Variants in ATP10B observed in about 807,000 individuals in gnomAD.
ATP10B encodes the protein ATPase phospholipid transporting 10B (putative).
Under a neutral mutation model 141.2 loss-of-function variants are expected in ATP10B, and 122 were observed. That is an observed-to-expected ratio of 0.86 (90% confidence interval 0.75 to 1.00). The LOEUF is 1.00. ATP10B is among the 50% of genes least tolerant of loss of function. ATP10B has a pLI of 0.00. For synonymous variants in ATP10B, 685 were observed against 692.0 expected, an observed-to-expected ratio of 0.99 and a Z score of 0.16; for missense variants, 1,876 against 1,825.3, an observed-to-expected ratio of 1.03 and a Z score of -0.51.
chr5:160,616,904 A>G (rs1337216151), intron 16 of ATP10B, among the ~76,000 whole-genome samples: 2 of 152,210 alleles, frequency 1.3e-5, no homozygotes, highest in East Asian at 1.9e-4. Context: ...GGTGCTGCAC[A>G]TGTGGTTATT....
intron 9 of ATP10B, among the ~76,000 whole-genome samples, chr5:160,641,141 A>G (rs1373866559): frequency 6.6e-6 from 1 of 152,194 alleles, no homozygotes; most frequent in African/African-American, 2.4e-5. Context: ...CCAAGGTGGA[A>G]AAGAGGTGGT....
chr5:160,827,464 G>A (rs925945090), intron 1 of ATP10B, among the ~76,000 whole-genome samples: 2 of 152,190 alleles, frequency 1.3e-5, no homozygotes, highest in Admixed American at 6.5e-5. Context: ...CTTTCAAAAG[G>A]TGTCTGTTCA....
At chr5:160,838,212 A>C (rs956109926) in intron 1 of ATP10B, among the ~76,000 whole-genome samples, 8 of 152,196 alleles carry the variant, frequency 5.3e-5, no homozygotes. Context: ...GGTTCCTCAC[A>C]TCATACACAT....
At chr5:160,851,245 A>C (rs1406519568) in intron 1 of ATP10B, among the ~76,000 whole-genome samples, 1 of 152,176 alleles carries the variant, frequency 6.6e-6, no homozygotes, top group Non-Finnish European at 1.5e-5. Flanking sequence ...CTAGCAGCTC[A>C]GTATAATTTT....
intron 1 of ATP10B, among the ~76,000 whole-genome samples, chr5:160,786,489 TA>T (rs1771154943): frequency 6.6e-6 from 1 of 152,158 alleles, no homozygotes; most frequent in African/African-American, 2.4e-5. Context: ...TTTCACTTCA[TA>T]GAGTATGAAA....
At chr5:160,815,883 G>A (rs555041421) in intron 1 of ATP10B, among the ~76,000 whole-genome samples, 13 of 152,216 alleles carry the variant, frequency 8.5e-5, no homozygotes, top group South Asian at 2.1e-4. Flanking sequence ...CAACTACATC[G>A]AAACTGAACA....
chr5:160,824,693 T>G (rs982332143), intron 1 of ATP10B, among the ~76,000 whole-genome samples: 1 of 150,540 alleles, frequency 6.6e-6, no homozygotes, highest in Non-Finnish European at 1.5e-5. Context: ...TGGTTAAGTG[T>G]TTGTATATCT....
chr5:160,864,567 T>C, the ATP10B span, among the ~76,000 whole-genome samples: 4 of 151,924 alleles, frequency 2.6e-5, no homozygotes, highest in African/African-American at 4.8e-5. Flanking sequence ...CTAGAAGTTC[T>C]AGACAGAGCA....
At chr5:160,790,700 G>C (rs1301744131) in intron 1 of ATP10B, among the ~76,000 whole-genome samples, 1 of 152,156 alleles carries the variant, frequency 6.6e-6, no homozygotes, top group Non-Finnish European at 1.5e-5. Context: ...GTTGCCAAGG[G>C]AACCTTGTAT....
At chr5:160,794,687 C>A (rs1349626428) in intron 1 of ATP10B, among the ~76,000 whole-genome samples, 1 of 152,210 alleles carries the variant, frequency 6.6e-6, no homozygotes, top group Non-Finnish European at 1.5e-5. Context: ...AAACATCAAA[C>A]TCCTTGCCTC....
intron 1 of ATP10B, among the ~76,000 whole-genome samples, chr5:160,841,641 A>C (rs917556694): frequency 2.0e-5 from 3 of 152,200 alleles, no homozygotes; most frequent in African/African-American, 7.2e-5. Flanking sequence ...ACCTCACTAA[A>C]GGGGAGAGGA....
chr5:160,622,508 G>A lies in ATP10B; in HGVS notation c.1698C>T (p.Asp566=). The stretch of plus-strand genomic sequence containing the variant: ...AGAGGGAAGCCTTGGCAGGTCTGCT[G>A]TCTGACAAGGTCTCCAACCACAGGG... ...DAALWLETLS[D]SRPAKASLST... is the part of the protein sequence containing the mutation. Residue 566 remains aspartate (D), a synonymous_variant, in exon 14 of 26, where the codon GAC becomes GAT. Coordinates refer to ENST00000327245, the MANE Select transcript of ATP10B (RefSeq NM_025153.3). 3 of 1,614,108 alleles carry A rather than the reference G, an allele frequency of 1.9e-6. No homozygotes were observed. The highest frequency in any genetic ancestry group is 2.5e-6 in the Non-Finnish European group (3 of 1,179,994).
rs1399466104 is a variant in ATP10B at position 160,640,505 on chromosome 5, A to G, written c.956T>C (p.Phe319Ser). The G allele has an allele frequency of 1.2e-6, 2 of 1,614,010 alleles. No individual in the cohort carries two copies. The highest frequency in any genetic ancestry group is 1.7e-5 in the Admixed American group (1 of 60,004). ...IERRMNIDIF[F>S]CIGILILMCL... ...CATGAGGATGAGGATCCCAATGCAG[A>G]AGAAGATGTCTATATTCATGCGCCG... The change falls in exon 10 of 26, where the codon TTC becomes TCC. Residue 319 changes from phenylalanine to serine, a missense_variant. By Grantham distance (155) the Phe-to-Ser change is radical. Transcript: ENST00000327245.
At chr5:160,764,759 A>T (rs981337024) in intron 2 of ATP10B, among the ~76,000 whole-genome samples, 4 of 152,198 alleles carry the variant, frequency 2.6e-5, no homozygotes, top group Non-Finnish European at 5.9e-5. Flanking sequence ...ACATTGACAA[A>T]GAGGAAGTCA....
intron 2 of ATP10B, among the ~76,000 whole-genome samples, chr5:160,776,964 T>C (rs1374574138): frequency 6.6e-6 from 1 of 152,112 alleles, no homozygotes; most frequent in African/African-American, 2.4e-5. Flanking sequence ...AGGTTGACAC[T>C]TTTGGGGAGC....
chr5:160,858,647 C>T, the ATP10B span, among the ~76,000 whole-genome samples: 1 of 151,830 alleles, frequency 6.6e-6, no homozygotes, highest in South Asian at 2.1e-4. Context: ...ACCATTTTGT[C>T]TTTTTCTTGT....
intron 3 of ATP10B, among the ~76,000 whole-genome samples, chr5:160,693,455 C>G (rs949929275): frequency 2.1e-5 from 3 of 144,330 alleles, no homozygotes; most frequent in African/African-American, 5.2e-5. Flanking sequence ...CACACACACA[C>G]AGTGGTATAG....
At chr5:160,865,020 T>A in the ATP10B span, among the ~76,000 whole-genome samples, 6 of 152,050 alleles carry the variant, frequency 3.9e-5, no homozygotes, top group African/African-American at 1.4e-4. Flanking sequence ...ACACATTCAA[T>A]GCAATTCCCA....
intron 24 of ATP10B, among the ~76,000 whole-genome samples, chr5:160,584,414 C>A (rs371544713): frequency 1.1e-4 from 17 of 152,122 alleles, no homozygotes; most frequent in Admixed American, 1.1e-3. Flanking sequence ...GTTGGAAATG[C>A]GGAAATCACC....
Sources: allele counts gnomAD v4.1 joint callset (sites outside exome capture counted in the v4.1 genomes callset), GRCh38; gene constraint gnomAD v4.1.1; transcripts MANE v1.5; gene names NCBI Gene and HGNC (gene_info 2026-07-23, HGNC 2026-07-21).